The following RBMS3 variants were observed in gnomAD, a reference collection of about 807,000 sequenced individuals.
RBMS3 encodes the protein RNA-binding motif, single-stranded-interacting protein 3.
RBMS3 carries 27 observed loss-of-function variants against 66.8 expected under a neutral mutation model. That is an observed-to-expected ratio of 0.40 (90% confidence interval 0.30 to 0.56). The LOEUF (loss-of-function observed/expected upper bound fraction) is 0.56. RBMS3 is among the 20% of genes least tolerant of loss of function. RBMS3 has a pLI of 0.40. For synonymous variants in RBMS3, 188 were observed against 183.0 expected (o/e 1.03, Z -0.22); for missense variants, 513 against 549.5 (o/e 0.93, Z 0.66).
chr3:29,755,266 GA>G, intron 5 of RBMS3, among the ~76,000 whole-genome samples: 1 of 152,310 alleles, frequency 6.6e-6, no homozygotes, highest in Middle Eastern at 3.4e-3. Context: ...GTACATAGAT[GA>G]GTGTCCCTAC....
At chr3:29,730,731 T>C (rs1250823842) in intron 4 of RBMS3, 1 of 368,858 alleles carries the variant, frequency 2.7e-6, no homozygotes. Context: ...TTGTTTACAA[T>C]ATTGAGTAGT....
At chr3:29,405,299 T>C (rs1189639325) in intron 1 of RBMS3, among the ~76,000 whole-genome samples, 1 of 152,178 alleles carries the variant, frequency 6.6e-6, no homozygotes, top group Non-Finnish European at 1.5e-5. Context: ...CGCTTTTGAA[T>C]GCTAACTTCC....
At chr3:29,439,149 TAA>T (rs1414482562) in intron 2 of RBMS3, among the ~76,000 whole-genome samples, 1 of 151,288 alleles carries the variant, frequency 6.6e-6, no homozygotes, top group Non-Finnish European at 1.5e-5. Context: ...GAGAAAGAGG[TAA>T]AGTGTGGGGC....
At chr3:29,918,682 G>T (rs2060697547) in intron 10 of RBMS3, among the ~76,000 whole-genome samples, 1 of 152,070 alleles carries the variant, frequency 6.6e-6, no homozygotes, top group East Asian at 1.9e-4. Flanking sequence ...AAGTAGATTA[G>T]ATAACTATGA....
chr3:29,828,995 TTTC>T (rs1246995075), intron 6 of RBMS3, among the ~76,000 whole-genome samples: 26 of 49,880 alleles, frequency 5.2e-4, no homozygotes, highest in African/African-American at 1.9e-3. Flanking sequence ...TCTTTCTTTC[TTTC>T]TTTCTTTCTT....
intron 1 of RBMS3, among the ~76,000 whole-genome samples, chr3:29,348,257 C>T (rs1279368382): frequency 6.6e-6 from 1 of 152,156 alleles, no homozygotes; most frequent in African/African-American, 2.4e-5. Context: ...ACTGCATTGT[C>T]ATTTAAGCTG....
rs527282856 is a variant in RBMS3 at position 29,905,451 on chromosome 3, C to T, written c.939+5696C>T. On this transcript the variant is annotated intron_variant, in intron 10 of 14. Transcript: ENST00000383767. ...TTTCATTTTTTTGATTTTTTTTCCC[C>T]CAAACATGGAACCAATTGCCATAAC... 4.6e-5 allele frequency among the ~76,000 whole-genome samples: 7 copies of T among 151,818 alleles called. No individual in the cohort carries two copies. The South Asian group carries it at 1.5e-3, about 32-fold the overall frequency.
At chr3:29,793,096 G>A (rs1302722852) in intron 6 of RBMS3, among the ~76,000 whole-genome samples, 2 of 151,900 alleles carry the variant, frequency 1.3e-5, no homozygotes, top group African/African-American at 4.8e-5. Flanking sequence ...AAAATTAGCT[G>A]GGTGTGCACC....
At chr3:29,369,892 C>A (rs1201288834) in intron 1 of RBMS3, among the ~76,000 whole-genome samples, 4 of 152,098 alleles carry the variant, frequency 2.6e-5, no homozygotes, top group African/African-American at 9.7e-5. Flanking sequence ...AGTAAAGAAG[C>A]AGCTTTGTCT....
chr3:29,526,657 G>C (rs1042613298), intron 3 of RBMS3, among the ~76,000 whole-genome samples: 1 of 144,486 alleles, frequency 6.9e-6, no homozygotes, highest in Non-Finnish European at 1.5e-5. Flanking sequence ...CCCAATAATA[G>C]AGATGCCACT....
chr3:29,708,017 G>A (rs1404829533), intron 4 of RBMS3, among the ~76,000 whole-genome samples: 1 of 152,208 alleles, frequency 6.6e-6, no homozygotes, highest in Non-Finnish European at 1.5e-5. Flanking sequence ...GTTACTGGTC[G>A]TAGGCCTGCC....
intron 9 of RBMS3, 33 bp from the exon 10 acceptor site, chr3:29,899,672 G>A (rs192438030): frequency 1.3e-6 from 2 of 1,598,258 alleles, no homozygotes; most frequent in African/African-American, 1.3e-5. Flanking sequence ...CTCTATGATT[G>A]CTTTGTGCTA....
intron 6 of RBMS3, among the ~76,000 whole-genome samples, chr3:29,810,422 G>A (rs1420512069): frequency 1.3e-5 from 2 of 152,022 alleles, no homozygotes; most frequent in South Asian, 4.1e-4. Flanking sequence ...GACCTATTTG[G>A]CATTTGAGGA....
intron 1 of RBMS3, among the ~76,000 whole-genome samples, chr3:29,326,352 T>C (rs1343684273): frequency 1.3e-5 from 2 of 152,208 alleles, no homozygotes; most frequent in Non-Finnish European, 2.9e-5. Context: ...ATGGCTTTGC[T>C]AATTACTTTC....
intron 4 of RBMS3, among the ~76,000 whole-genome samples, chr3:29,603,177 C>T (rs1191809757): frequency 6.6e-6 from 1 of 151,980 alleles, no homozygotes; most frequent in African/African-American, 2.4e-5. Context: ...AGTAATAATA[C>T]TTGTTGAATG....
At chr3:29,835,407 A>C (rs2058479231) in intron 6 of RBMS3, among the ~76,000 whole-genome samples, 1 of 152,046 alleles carries the variant, frequency 6.6e-6, no homozygotes, top group South Asian at 2.1e-4. Flanking sequence ...GTTAAGTTTT[A>C]AAAGATTGTA....
chr3:29,487,460 A>C (rs57420566), intron 2 of RBMS3, among the ~76,000 whole-genome samples: 2 of 152,062 alleles, frequency 1.3e-5, no homozygotes, highest in Non-Finnish European at 2.9e-5. Flanking sequence ...TTACATGTCA[A>C]TTTTCTCAGT....
rs572361015 is a variant in RBMS3 at position 29,998,689 on chromosome 3, G to A, written c.1308-5167G>A. On this transcript the variant is annotated intron_variant, in intron 14 of 14. Coordinates refer to ENST00000383767, the MANE Select transcript of RBMS3 (RefSeq NM_001003793.3). Reference sequence around the variant, plus strand: ...GAAAGGATTCCCTATTGAATAAATGGTGCTGGGAAAACTGGCTAGCCATAT... The same window carrying A: ...GAAAGGATTCCCTATTGAATAAATGATGCTGGGAAAACTGGCTAGCCATAT... Among the ~76,000 whole-genome samples the A allele has an allele frequency of 3.5e-4, 53 of 152,206 alleles. No homozygotes were observed. The South Asian group carries it at 0.01, about 29-fold the overall frequency.
At chr3:29,400,153 A>G (rs1187518174) in intron 1 of RBMS3, among the ~76,000 whole-genome samples, 1 of 152,168 alleles carries the variant, frequency 6.6e-6, no homozygotes, top group African/African-American at 2.4e-5. Context: ...TATTGATAAA[A>G]TTAAATGATA....
Sources: gnomAD v4.1 joint callset for allele counts (sites outside exome capture counted in the v4.1 genomes callset) on GRCh38, gnomAD v4.1.1 for gene constraint, MANE v1.5 for transcripts, NCBI Gene and HGNC (gene_info 2026-07-23, HGNC 2026-07-21) for gene names.